DCAF8L2: variants seen among roughly 807,000 people sequenced by gnomAD.
DCAF8L2 encodes DDB1 and CUL4 associated factor 8 like 2.
For synonymous variants in DCAF8L2, 200 were observed against 190.9 expected, an observed-to-expected ratio of 1.05 and a Z score of -0.39; for missense variants, 430 against 490.7, an observed-to-expected ratio of 0.88 and a Z score of 1.17.
intron 2 of DCAF8L2, among the ~76,000 whole-genome samples, chrX:27,649,096 C>G (rs1265450260): frequency 8.9e-6 from 1 of 112,125 alleles, no homozygotes; most frequent in Non-Finnish European, 1.9e-5. Context: ...AGATTACAGC[C>G]TCCAGCTGCA....
At chrX:27,485,891 A>G in the DCAF8L2 span, among the ~76,000 whole-genome samples, 1 of 95,892 alleles carries the variant, frequency 1.0e-5, no homozygotes, top group Non-Finnish European at 2.1e-5. Flanking sequence ...ACCCTCCATT[A>G]CCTTCATTCA....
the DCAF8L2 span, among the ~76,000 whole-genome samples, chrX:27,517,547 A>G: frequency 9.0e-6 from 1 of 111,031 alleles, no homozygotes; most frequent in Non-Finnish European, 1.9e-5. Context: ...ATGGAACACC[A>G]TTCTCCATTC....
chrX:27,533,218 GAAAGAA>G, the DCAF8L2 span, among the ~76,000 whole-genome samples: 17 of 49,484 alleles, frequency 3.4e-4, no homozygotes, highest in Non-Finnish European at 4.3e-4. Context: ...AAGAAAGAAA[GAAAGAA>G]AGAAAGAAAG....
chrX:27,651,441 C>A (rs1322092092), intron 2 of DCAF8L2, among the ~76,000 whole-genome samples: 3 of 108,205 alleles, frequency 2.8e-5, no homozygotes, highest in Non-Finnish European at 5.7e-5. Flanking sequence ...TGGCTTCTTG[C>A]ATGTAAAATG....
At chrX:27,543,533 A>G in the DCAF8L2 span, among the ~76,000 whole-genome samples, 2 of 111,306 alleles carry the variant, frequency 1.8e-5, no homozygotes, top group African/African-American at 6.5e-5. Context: ...TGTCTGGATT[A>G]TTCTTGGTCT....
chrX:27,557,766 A>AGGCTGCTTGCC, the DCAF8L2 span, among the ~76,000 whole-genome samples: 10,767 of 111,116 alleles, frequency 0.097, 418 homozygotes, highest in Non-Finnish European at 0.12. Flanking sequence ...TTCCACGTGG[A>AGGCTGCTTGCC]AGAGCAGCAA....
intron 1 of DCAF8L2, among the ~76,000 whole-genome samples, chrX:27,612,669 G>T (rs1927247475): frequency 8.9e-6 from 1 of 111,981 alleles, no homozygotes; most frequent in Non-Finnish European, 1.9e-5. Flanking sequence ...CATGTGGCTA[G>T]CCAGTTTCCC....
the DCAF8L2 span, among the ~76,000 whole-genome samples, chrX:27,512,778 G>GAAAAAAAAAAAAAAAAA: frequency 4.0e-4 from 1 of 2,523 alleles, no homozygotes; most frequent in African/African-American, 2.5e-3. Context: ...ACAATCTTGA[G>GAAAAAAAAAAAAAAAAA]CAAAAAAAAA....
At chrX:27,487,786 T>C in the DCAF8L2 span, among the ~76,000 whole-genome samples, 353 of 111,945 alleles carry the variant, frequency 3.2e-3, 1 homozygote, top group African/African-American at 0.01. Context: ...CACTTCTCCT[T>C]CACACTCACA....
intron 2 of DCAF8L2, 99 bp from the exon 3 acceptor site, chrX:27,677,737 T>C (rs1306942953): frequency 1.8e-5 from 2 of 111,830 alleles, no homozygotes; most frequent in Non-Finnish European, 3.8e-5. Context: ...TACTGAACAT[T>C]TTTAGCAGGT....
At chrX:27,616,925 T>C (rs1202835890) in intron 1 of DCAF8L2, among the ~76,000 whole-genome samples, 1 of 111,736 alleles carries the variant, frequency 8.9e-6, no homozygotes, top group Non-Finnish European at 1.9e-5. Flanking sequence ...TACATTCTCT[T>C]TGTGGAAAAA....
chrX:27,719,453 T>C (rs1015147964), intron 4 of DCAF8L2, among the ~76,000 whole-genome samples: 2 of 98,422 alleles, frequency 2.0e-5, no homozygotes, highest in Admixed American at 2.2e-4. Context: ...TTTAATTTTT[T>C]TTTTTTTTTT....
At chrX:27,503,686 T>C in the DCAF8L2 span, among the ~76,000 whole-genome samples, 1 of 111,454 alleles carries the variant, frequency 9.0e-6, no homozygotes, top group South Asian at 3.7e-4. Context: ...TATATTTATA[T>C]AGCAAGTCTT....
At chrX:27,477,372 C>G in the DCAF8L2 span, among the ~76,000 whole-genome samples, 4 of 111,780 alleles carry the variant, frequency 3.6e-5, no homozygotes, top group African/African-American at 1.3e-4. Context: ...ACTGCAAGCT[C>G]TGCCTCCCGG....
At chrX:27,528,825 G>T in the DCAF8L2 span, among the ~76,000 whole-genome samples, 3,525 of 111,035 alleles carry the variant, frequency 0.032, 128 homozygotes, top group African/African-American at 0.11. Context: ...ATGCAGGATT[G>T]TGTCAATGTA....
At chrX:27,511,356 T>C in the DCAF8L2 span, among the ~76,000 whole-genome samples, 1 of 111,129 alleles carries the variant, frequency 9.0e-6, no homozygotes, top group Non-Finnish European at 1.9e-5. Context: ...TATACACAGA[T>C]TGAAATTTTT....
the DCAF8L2 span, among the ~76,000 whole-genome samples, chrX:27,562,385 C>T: frequency 7.1e-5 from 8 of 112,209 alleles, no homozygotes. Context: ...TCACCACGGT[C>T]CACTTATCAT....
At chrX:27,677,658 G>A (rs1011309566) in intron 2 of DCAF8L2, among the ~76,000 whole-genome samples, 178 bp from the exon 3 acceptor site, 1 of 111,794 alleles carries the variant, frequency 8.9e-6, no homozygotes, top group Non-Finnish European at 1.9e-5. Flanking sequence ...GGAAAAAGTG[G>A]AGGCCAGGTC....
intron 3 of DCAF8L2, among the ~76,000 whole-genome samples, chrX:27,698,696 TTGAA>T (rs769949061): frequency 8.9e-6 from 1 of 111,748 alleles, no homozygotes; most frequent in Admixed American, 9.6e-5. Flanking sequence ...TCACTTGCTG[TTGAA>T]TGAATCTTAA....
Sources: gnomAD v4.1 joint callset for allele counts (sites outside exome capture counted in the v4.1 genomes callset) on GRCh38, gnomAD v4.1.1 for gene constraint, MANE v1.5 for transcripts, NCBI Gene and HGNC (gene_info 2026-07-23, HGNC 2026-07-21) for gene names.